Variants in SHROOM3 observed in about 807,000 individuals in gnomAD.
SHROOM3 encodes the protein protein Shroom3.
A neutral mutation model predicts 138.6 loss-of-function variants in SHROOM3; 47 were observed. The ratio of observed to expected loss-of-function variants is 0.34; its 90% CI spans 0.27 to 0.43. SHROOM3 has a LOEUF of 0.43. SHROOM3 is among the 20% of genes least tolerant of loss of function. The pLI, the probability that SHROOM3 is intolerant of heterozygous loss-of-function variation, is 1.00. For missense variants in SHROOM3, 2,491 were observed against 2,596.5 expected (o/e 0.96, Z 0.88); for synonymous variants, 1,062 against 1,063.3 (o/e 1.00, Z 0.02).
rs981442278 is a variant in SHROOM3 at position 76,573,400 on chromosome 4, A to AATG, written c.323+17639_323+17640insGAT. Among the ~76,000 whole-genome samples, 8 of 146,554 alleles carry AATG rather than the reference A, an allele frequency of 5.5e-5. No homozygotes were observed. In the East Asian group the frequency reaches 1.6e-3, roughly 29 times the overall value. The stretch of plus-strand genomic sequence containing the variant: ...GGTTGGCAATAATAATAATAATAAT[A>AATG]ATAATAATAATAATAATAATAATAA... On this transcript the variant is annotated intron_variant, in intron 2 of 10. Transcript: ENST00000296043.
intron 2 of SHROOM3, among the ~76,000 whole-genome samples, chr4:76,581,157 G>T (rs1029844539): frequency 3.3e-5 from 5 of 152,134 alleles, no homozygotes; most frequent in African/African-American, 9.6e-5. Context: ...AGCACTAAAT[G>T]GTAACTTGGT....
intron 6 of SHROOM3, among the ~76,000 whole-genome samples, chr4:76,753,505 G>T (rs189338804): frequency 2.0e-4 from 30 of 152,288 alleles, no homozygotes; most frequent in African/African-American, 7.0e-4. Context: ...TACAAATCAC[G>T]GTGGGTTTGC....
rs201850244 is a variant in SHROOM3 at position 76,770,681 on chromosome 4, G to A, written c.5405G>A (p.Gly1802Glu). 1.2e-5 allele frequency: 19 copies of A among 1,614,156 alleles called. No individual in the cohort carries two copies. Among genetic ancestry groups the A allele is most frequent in the Non-Finnish European group, 1.5e-5 (18 of 1,180,036 alleles). ...CTGGAGACCCTCCAGGAGGCGAAGG[G>A]GAGCCTGCTCACGGACATCAAGCTC... ...HKLETLQEAKGSLLTDIKLNN... is the reference protein window; with the variant it reads ...HKLETLQEAKESLLTDIKLNN... The change falls in exon 10 of 11, where the codon GGG becomes GAG. Residue 1802 changes from glycine (G) to glutamate (E), a missense_variant. Physicochemically the swap from Gly to Glu is moderately conservative, Grantham distance 98. Transcript: ENST00000296043.
chr4:76,437,245 T>G (rs1277462555), intron 1 of SHROOM3, among the ~76,000 whole-genome samples: 1 of 151,752 alleles, frequency 6.6e-6, no homozygotes, highest in African/African-American at 2.4e-5. Flanking sequence ...TTCCTTAACT[T>G]TCTTAAGTAA....
chr4:76,771,638 T>C (rs188294084), intron 10 of SHROOM3, among the ~76,000 whole-genome samples: 36 of 152,002 alleles, frequency 2.4e-4, no homozygotes, highest in Admixed American at 6.5e-4. Flanking sequence ...GAAGGGAGGG[T>C]ACAGGGGGAC....
intron 2 of SHROOM3, chr4:76,688,902 C>T (rs1199144947): frequency 1.0e-6 from 1 of 983,930 alleles, no homozygotes; most frequent in Non-Finnish European, 1.2e-6. Flanking sequence ...TCTGCTGTGA[C>T]TTACACTGAG....
At chr4:76,743,192 G>A (rs2110136398) in intron 5 of SHROOM3, among the ~76,000 whole-genome samples, 1 of 152,278 alleles carries the variant, frequency 6.6e-6, no homozygotes, top group East Asian at 1.9e-4. Context: ...AGGGGAGAGG[G>A]GATGCATTGA....
At chr4:76,637,029 G>T (rs866646104) in intron 2 of SHROOM3, among the ~76,000 whole-genome samples, 9 of 152,266 alleles carry the variant, frequency 5.9e-5, no homozygotes, top group Middle Eastern at 3.4e-3. Context: ...CTATCAATTA[G>T]CCTATGGTAG....
At chr4:76,522,288 A>C (rs972788801) in intron 1 of SHROOM3, among the ~76,000 whole-genome samples, 3 of 148,742 alleles carry the variant, frequency 2.0e-5, no homozygotes, top group African/African-American at 7.3e-5. Flanking sequence ...TATACTAATA[A>C]ATATTATATA....
chr4:76,712,683 G>A (rs1287791965), intron 3 of SHROOM3, among the ~76,000 whole-genome samples: 2 of 152,188 alleles, frequency 1.3e-5, no homozygotes, highest in Non-Finnish European at 2.9e-5. Flanking sequence ...CTCTTGGCTG[G>A]AATTTTTACT....
intron 8 of SHROOM3, 117 bp downstream of exon 8, chr4:76,757,054 G>A (rs1721839581): frequency 6.5e-7 from 1 of 1,530,764 alleles, no homozygotes; most frequent in Non-Finnish European, 8.9e-7. Context: ...CCTGAACCAA[G>A]AGTGACATTT....
chr4:76,489,667 GT>G (rs1391942786), intron 1 of SHROOM3, among the ~76,000 whole-genome samples: 41 of 152,138 alleles, frequency 2.7e-4, no homozygotes, highest in Non-Finnish European at 5.0e-4. Flanking sequence ...AGGCCTTGGG[GT>G]TTTGGAGGAA....
chr4:76,616,117 C>G (rs1056450742), intron 2 of SHROOM3, among the ~76,000 whole-genome samples: 1 of 152,008 alleles, frequency 6.6e-6, no homozygotes, highest in African/African-American at 2.4e-5. Context: ...ATAAAAAAGG[C>G]CTGGGGTTGG....
At chr4:76,688,805 G>T in intron 2 of SHROOM3, 2 of 985,270 alleles carry the variant, frequency 2.0e-6, no homozygotes, top group Non-Finnish European at 2.4e-6. Context: ...AAAGAATCAC[G>T]TCTCTTGTCT....
chr4:76,487,619 T>C (rs1237206811), intron 1 of SHROOM3, among the ~76,000 whole-genome samples: 2 of 150,158 alleles, frequency 1.3e-5, no homozygotes, highest in Non-Finnish European at 1.5e-5. Context: ...CCCATCCATG[T>C]TGTGAGCCGG....
rs371944513 is a variant in SHROOM3 at position 76,646,225 on chromosome 4, A to AATATATATATATATATATAT, written c.324-63927_324-63908dup. Among the ~76,000 whole-genome samples, 17 of 96,170 alleles carry AATATATATATATATATATAT rather than the reference A, an allele frequency of 1.8e-4. No homozygotes were observed. In the East Asian group the frequency reaches 2.2e-3, roughly 12 times the overall value. The allele number at this position is 96,170 out of a possible 152,430, so 63.1% of individuals were successfully genotyped here. On this transcript the variant is annotated intron_variant, in intron 2 of 10. Transcript: ENST00000296043. ...CCTAGAACTTAAAGTATAATAAATA[A>AATATATATATATATATATAT]ATATATATATATATATATATATAAA...
chr4:76,466,321 A>G (rs548329334), intron 1 of SHROOM3, among the ~76,000 whole-genome samples: 61 of 152,320 alleles, frequency 4.0e-4, no homozygotes, highest in Middle Eastern at 3.4e-3. Flanking sequence ...ACTGAAAGCA[A>G]AATTGTTTTT....
rs1722724441 is a variant in SHROOM3 at position 76,781,119 on chromosome 4, C to A, written c.*1942C>A. The A allele has an allele frequency of 6.6e-6, 1 of 152,114 alleles. No individual in the cohort carries two copies. Among genetic ancestry groups the A allele is most frequent in the South Asian group, 2.1e-4 (1 of 4,818 alleles). The allele number at this position is 152,114 out of a possible 1,614,324, so 9.4% of individuals were successfully genotyped here. On this transcript the variant is annotated 3_prime_UTR_variant, in exon 11 of 11. Coordinates refer to ENST00000296043, the MANE Select transcript of SHROOM3 (RefSeq NM_020859.4). ...GGAACATTTTACATATTCAGTCTTT[C>A]TCAAAAATTTTTATTTATTTTCTTG... is the stretch of plus-strand genomic sequence containing the variant.
intron 1 of SHROOM3, among the ~76,000 whole-genome samples, chr4:76,537,229 A>T (rs1732972480): frequency 6.6e-6 from 1 of 152,206 alleles, no homozygotes; most frequent in Non-Finnish European, 1.5e-5. Flanking sequence ...CACACAGTAG[A>T]TGTGTACATG....
Sources: gnomAD v4.1 joint callset for allele counts (sites outside exome capture counted in the v4.1 genomes callset) on GRCh38, gnomAD v4.1.1 for gene constraint, MANE v1.5 for transcripts, NCBI Gene and HGNC (gene_info 2026-07-23, HGNC 2026-07-21) for gene names.